Variants in RGS7 observed in about 807,000 individuals in gnomAD.
The protein encoded by RGS7 is regulator of G-protein signaling 7.
RGS7 carries 27 observed loss-of-function variants against 81.1 expected under a neutral mutation model. The observed-to-expected ratio is 0.33, with a 90% confidence interval of 0.25 to 0.46. The LOEUF is 0.46. RGS7 is among the 20% of genes least tolerant of loss of function. The pLI is 1.00. For missense variants in RGS7, 396 were observed against 607.4 expected, an observed-to-expected ratio of 0.65 and a Z score of 3.66; for synonymous variants, 208 against 207.7, an observed-to-expected ratio of 1.00 and a Z score of -0.01.
At chr1:240,846,599 T>G (rs1381531031) in intron 9 of RGS7, among the ~76,000 whole-genome samples, 2 of 152,132 alleles carry the variant, frequency 1.3e-5, no homozygotes, top group Non-Finnish European at 2.9e-5. Context: ...TTTCCCAGAT[T>G]CTACTGTGGT....
chr1:241,130,923 A>C (rs575183173), intron 2 of RGS7, among the ~76,000 whole-genome samples: 228 of 142,186 alleles, frequency 1.6e-3, no homozygotes, highest in Non-Finnish European at 3.0e-3. Context: ...AAAAGGCTTA[A>C]TTACAAAAAA....
chr1:241,043,124 C>T (rs540831805), intron 3 of RGS7, among the ~76,000 whole-genome samples: 41 of 152,160 alleles, frequency 2.7e-4, no homozygotes, highest in East Asian at 3.9e-4. Context: ...TCATTCTACA[C>T]GAGTTTTTGA....
intron 2 of RGS7, among the ~76,000 whole-genome samples, chr1:241,299,798 C>T (rs1228815601): frequency 8.1e-6 from 1 of 123,528 alleles, no homozygotes; most frequent in Admixed American, 9.8e-5. Flanking sequence ...TAGGTACTCT[C>T]GTCCCAGTTT....
At chr1:240,823,045 A>T in intron 10 of RGS7, 1 of 658,638 alleles carries the variant, frequency 1.5e-6, no homozygotes. Flanking sequence ...TGGTAAATCT[A>T]GTCGTTTCTT....
chr1:241,061,951 G>T (rs2061763523), intron 3 of RGS7, among the ~76,000 whole-genome samples: 1 of 152,176 alleles, frequency 6.6e-6, no homozygotes, highest in Non-Finnish European at 1.5e-5. Context: ...CAACACTCAA[G>T]AATCACAACA....
At chr1:241,197,713 T>A (rs2073179218) in intron 2 of RGS7, among the ~76,000 whole-genome samples, 1 of 151,584 alleles carries the variant, frequency 6.6e-6, no homozygotes, top group Non-Finnish European at 1.5e-5. Context: ...CAAAGGTAAA[T>A]TATTAGAAGT....
chr1:240,907,495 G>T (rs1335493444), intron 6 of RGS7, among the ~76,000 whole-genome samples: 1 of 152,098 alleles, frequency 6.6e-6, no homozygotes, highest in Non-Finnish European at 1.5e-5. Flanking sequence ...AGGAAAAGAT[G>T]AAGTTAGATA....
Position 241,314,113 on chromosome 1 carries a change from A to G in RGS7, c.78+41586T>C, listed in dbSNP as rs1030676471. On this transcript the variant is annotated intron_variant, in intron 2 of 18. Coordinates refer to ENST00000440928, the MANE Select transcript of RGS7 (RefSeq NM_001364886.1). ...GACAAGAAAGGATTTAAAATATTAC[A>G]TAAGCATAGTTAATAAAGCGTAGTA... Among the ~76,000 whole-genome samples, 4 of 152,374 alleles carry G rather than the reference A, an allele frequency of 2.6e-5. No homozygotes were observed. In the East Asian group the frequency reaches 7.7e-4, roughly 29 times the overall value.
intron 3 of RGS7, among the ~76,000 whole-genome samples, chr1:241,030,927 C>A (rs2060054181): frequency 6.6e-6 from 1 of 152,132 alleles, no homozygotes; most frequent in Non-Finnish European, 1.5e-5. Context: ...GAGTGCCCTG[C>A]CCCAAAACAC....
chr1:240,775,878 A>C lies in RGS7; in HGVS notation c.*342T>G. 1 of 374,936 alleles carries C rather than the reference A, an allele frequency of 2.7e-6. No homozygotes were observed. The highest frequency in any genetic ancestry group is 2.0e-5 in the African/African-American group (1 of 49,182). The allele number at this position is 374,936 out of a possible 1,614,324, so 23.2% of individuals were successfully genotyped here. ...CTGAAGCTTTGAGAGAGAGAGAGAG[A>C]GAAAGAAGGAAAAAAAGAAAAGGTT... On this transcript the variant is annotated 3_prime_UTR_variant, in exon 19 of 19. Transcript: ENST00000440928.
intron 3 of RGS7, among the ~76,000 whole-genome samples, chr1:241,094,288 C>T (rs1410882148): frequency 6.6e-6 from 1 of 151,546 alleles, no homozygotes; most frequent in Non-Finnish European, 1.5e-5. Flanking sequence ...GAGTCACACA[C>T]ACACTTCACC....
At chr1:240,795,221 A>C (rs59320614) in intron 18 of RGS7, among the ~76,000 whole-genome samples, 7 of 150,936 alleles carry the variant, frequency 4.6e-5, no homozygotes, top group Non-Finnish European at 7.4e-5. Flanking sequence ...ACCACCACCA[A>C]CAAAAATCAA....
intron 2 of RGS7, among the ~76,000 whole-genome samples, chr1:241,142,033 C>A (rs1205525644): frequency 6.6e-6 from 1 of 152,240 alleles, no homozygotes; most frequent in Non-Finnish European, 1.5e-5. Context: ...CAAAATCCAG[C>A]AGGGCAGTCA....
intron 3 of RGS7, among the ~76,000 whole-genome samples, chr1:241,002,445 C>G (rs1025295429): frequency 1.5e-5 from 1 of 64,790 alleles, no homozygotes; most frequent in Non-Finnish European, 3.2e-5. Context: ...AAGAGTGAAA[C>G]TCTGTCTCAA....
chr1:241,138,283 T>C (rs532165161), intron 2 of RGS7, among the ~76,000 whole-genome samples: 1 of 151,900 alleles, frequency 6.6e-6, no homozygotes, highest in Non-Finnish European at 1.5e-5. Flanking sequence ...AGGTAAGTGA[T>C]ACAGGTATCA....
At chr1:240,816,234 T>C in intron 11 of RGS7, 83 bp downstream of exon 11, 2 of 849,314 alleles carry the variant, frequency 2.4e-6, no homozygotes, top group Admixed American at 1.7e-5. Flanking sequence ...CCTATAAAAA[T>C]ACCCACTATT....
chr1:240,792,032 C>T (rs1686096983), intron 18 of RGS7, among the ~76,000 whole-genome samples: 1 of 152,110 alleles, frequency 6.6e-6, no homozygotes, highest in Non-Finnish European at 1.5e-5. Context: ...CCTATATCTC[C>T]TTGCTTTACT....
intron 3 of RGS7, among the ~76,000 whole-genome samples, chr1:241,087,676 C>T (rs539493732): frequency 2.6e-5 from 4 of 151,994 alleles, no homozygotes; most frequent in South Asian, 2.1e-4. Flanking sequence ...AGGCTGGGTG[C>T]GGTGGCTCAG....
At chr1:240,781,815 G>A (rs918813501) in intron 18 of RGS7, among the ~76,000 whole-genome samples, 2 of 152,168 alleles carry the variant, frequency 1.3e-5, no homozygotes, top group South Asian at 2.1e-4. Flanking sequence ...AGAAGTTCAA[G>A]ACCAGCCTGG....
Sources: gnomAD v4.1 joint callset for allele counts (sites outside exome capture counted in the v4.1 genomes callset) on GRCh38, gnomAD v4.1.1 for gene constraint, MANE v1.5 for transcripts, NCBI Gene and HGNC (gene_info 2026-07-23, HGNC 2026-07-21) for gene names.